The following RNLS variants were observed in gnomAD, a reference collection of about 807,000 sequenced individuals.
The protein encoded by RNLS is renalase.
Under a neutral mutation model 39.8 loss-of-function variants are expected in RNLS, and 39 were observed. The observed-to-expected ratio is 0.98, with a 90% CI of 0.76 to 1.28. RNLS has a LOEUF of 1.28. Among genes scored for constraint, RNLS ranks in the 50% most tolerant of loss-of-function variants. RNLS has a pLI of 0.00. For missense variants in RNLS, 410 were observed against 413.3 expected (o/e 0.99, Z 0.07); for synonymous variants, 147 against 150.7 (o/e 0.98, Z 0.18).
intron 4 of RNLS, among the ~76,000 whole-genome samples, chr10:88,526,272 T>C (rs1021609309): frequency 1.3e-5 from 2 of 151,390 alleles, no homozygotes; most frequent in South Asian, 4.2e-4. Context: ...TAGATGAATT[T>C]ATGCAAAAAA....
rs371183085 is a variant in RNLS, at chr10:88,546,095, A to G, written c.526+26808T>C. Among the ~76,000 whole-genome samples, 12 of 152,144 alleles carry G rather than the reference A, an allele frequency of 7.9e-5. 1 individual carries two copies. Among genetic ancestry groups the G allele is most frequent in the East Asian group, 7.7e-4 (4 of 5,196 alleles). ...AGTACAGTGCCATTAAGAGGTAATT[A>G]TGAGGAATATAGAATATTTTCAATA... On this transcript the variant is annotated intron_variant, in intron 4 of 6. Transcript: ENST00000331772.
the RNLS span, among the ~76,000 whole-genome samples, chr10:88,215,923 C>T: frequency 6.6e-6 from 1 of 152,066 alleles, no homozygotes; most frequent in African/African-American, 2.4e-5. Flanking sequence ...TAGTCTCTAA[C>T]TCCTTACTTC....
intron 5 of RNLS, among the ~76,000 whole-genome samples, chr10:88,316,921 C>T (rs1365219464): frequency 6.6e-6 from 1 of 151,958 alleles, no homozygotes; most frequent in Admixed American, 6.6e-5. Flanking sequence ...AAGCTAAAGT[C>T]TAAAAATACA....
the RNLS span, among the ~76,000 whole-genome samples, chr10:88,181,469 G>A: frequency 6.6e-6 from 1 of 152,060 alleles, no homozygotes; most frequent in Non-Finnish European, 1.5e-5. Flanking sequence ...TGCTGTTTTC[G>A]GCAACTAAGC....
At chr10:88,427,258 A>G (rs1176254937) in intron 4 of RNLS, among the ~76,000 whole-genome samples, 1 of 152,046 alleles carries the variant, frequency 6.6e-6, no homozygotes, top group East Asian at 1.9e-4. Context: ...CTGATCTGTT[A>G]GAATGCCAAA....
the RNLS span, among the ~76,000 whole-genome samples, chr10:88,253,190 G>A: frequency 2.6e-5 from 4 of 152,192 alleles, no homozygotes; most frequent in South Asian, 8.3e-4. Flanking sequence ...GTATTTCAGA[G>A]CCTCGGTCAC....
chr10:88,231,722 A>C, the RNLS span, among the ~76,000 whole-genome samples: 3 of 152,222 alleles, frequency 2.0e-5, no homozygotes, highest in Non-Finnish European at 2.9e-5. Context: ...AGATGAGCCC[A>C]AAGAGTACCA....
the RNLS span, among the ~76,000 whole-genome samples, chr10:88,177,916 TAGGCTG>T: frequency 2.6e-5 from 4 of 152,168 alleles, no homozygotes; most frequent in African/African-American, 9.7e-5. Context: ...GAACATTGGG[TAGGCTG>T]GTCCTTGTGC....
At chr10:88,188,675 A>T in the RNLS span, among the ~76,000 whole-genome samples, 1 of 152,194 alleles carries the variant, frequency 6.6e-6, no homozygotes, top group Admixed American at 6.5e-5. Flanking sequence ...TTTATTTCAA[A>T]ATTAATTACT....
intron 3 of RNLS, among the ~76,000 whole-genome samples, chr10:88,575,147 TATATATATATATAC>T (rs1337929895): frequency 3.3e-3 from 114 of 35,010 alleles, no homozygotes; most frequent in African/African-American, 9.4e-3. Context: ...TATATATATA[TATATATATATATAC>T]ACACACACAC....
At chr10:88,455,722 T>C (rs1333602159) in intron 4 of RNLS, among the ~76,000 whole-genome samples, 1 of 152,066 alleles carries the variant, frequency 6.6e-6, no homozygotes, top group Non-Finnish European at 1.5e-5. Context: ...TAATTTTAAA[T>C]CCTCCCTTTT....
the RNLS span, among the ~76,000 whole-genome samples, chr10:88,221,670 G>T: frequency 6.6e-6 from 1 of 152,284 alleles, no homozygotes; most frequent in African/African-American, 2.4e-5. Flanking sequence ...AGCGATTTTG[G>T]GCACACAATC....
In RNLS at chr10:88,582,283, C is replaced by G; in HGVS notation, c.143G>C (p.Ser48Thr). The G allele has an allele frequency of 6.2e-7, 1 of 1,613,990 alleles. No homozygotes were observed. The highest frequency in any genetic ancestry group is 2.2e-5 in the East Asian group (1 of 44,862). ...AGCTGTGCACTGAGGATTATGAGGA[C>G]TGCAGGCTGTAGTCATTCTTCCCCC... ...DSGGRMTTACSPHNPQCTADL... is the reference protein window; with the variant it reads ...DSGGRMTTACTPHNPQCTADL... The change falls in exon 2 of 7, where the codon AGT (serine) becomes ACT (threonine). Residue 48 changes from serine (S) to threonine (T), a missense_variant. Transcript: ENST00000331772.
chr10:88,212,824 T>C, the RNLS span, among the ~76,000 whole-genome samples: 9 of 152,228 alleles, frequency 5.9e-5, no homozygotes, highest in Non-Finnish European at 8.8e-5. Context: ...TTGGCACATG[T>C]CTTGCCCAAG....
At chr10:88,352,946 G>A (rs952161383) in intron 5 of RNLS, among the ~76,000 whole-genome samples, 2 of 152,134 alleles carry the variant, frequency 1.3e-5, no homozygotes, top group Non-Finnish European at 2.9e-5. Context: ...TATGTGTCCA[G>A]GAATTTATCC....
intron 6 of RNLS, among the ~76,000 whole-genome samples, chr10:88,312,177 C>G (rs1363442787): frequency 1.3e-5 from 2 of 152,182 alleles, no homozygotes; most frequent in African/African-American, 2.4e-5. Context: ...TGAGCTGAAG[C>G]TGAGATGGGA....
intron 4 of RNLS, among the ~76,000 whole-genome samples, chr10:88,375,179 T>C (rs1850879025): frequency 6.6e-6 from 1 of 151,988 alleles, no homozygotes. Context: ...AGACACCAAC[T>C]TCTACCACAA....
chr10:88,445,427 C>T (rs1841977930), intron 4 of RNLS, among the ~76,000 whole-genome samples: 1 of 152,192 alleles, frequency 6.6e-6, no homozygotes, highest in African/African-American at 2.4e-5. Context: ...AAATAACCAG[C>T]TCACATCATA....
At chr10:88,285,616 CAAG>C in intron 6 of RNLS, 110 bp from the exon 7 acceptor site, 1 of 900,212 alleles carries the variant, frequency 1.1e-6, no homozygotes, top group East Asian at 2.5e-5. Context: ...AGATTTCTCA[CAAG>C]AAGCACCAAA....
Sources: allele counts gnomAD v4.1 joint callset (sites outside exome capture counted in the v4.1 genomes callset), GRCh38; gene constraint gnomAD v4.1.1; transcripts MANE v1.5; gene names NCBI Gene and HGNC (gene_info 2026-07-23, HGNC 2026-07-21).